The following CNTN4 variants were observed in gnomAD, a reference collection of about 807,000 sequenced individuals.
The protein encoded by CNTN4 is contactin-4.
CNTN4 carries 77 observed loss-of-function variants against 122.5 expected under a neutral mutation model. The observed-to-expected ratio is 0.63, with a 90% CI of 0.52 to 0.76. CNTN4 has a LOEUF of 0.76. CNTN4 is among the 30% of genes least tolerant of loss of function. CNTN4 has a pLI of 0.00. For synonymous variants in CNTN4, 512 were observed against 447.0 expected, an observed-to-expected ratio of 1.15 and a Z score of -1.83; for missense variants, 1,256 against 1,259.1, an observed-to-expected ratio of 1.00 and a Z score of 0.04.
At chr3:2,713,525 C>T (rs963095883) in intron 4 of CNTN4, among the ~76,000 whole-genome samples, 6 of 152,168 alleles carry the variant, frequency 3.9e-5, no homozygotes, top group African/African-American at 1.4e-4. Context: ...TACCTTCATT[C>T]CTTTCCTCTG....
At chr3:2,104,575 G>C (rs1026687939) in intron 2 of CNTN4, among the ~76,000 whole-genome samples, 3 of 152,116 alleles carry the variant, frequency 2.0e-5, no homozygotes, top group Non-Finnish European at 4.4e-5. Flanking sequence ...AGAGTGTGAG[G>C]AGATAAATAA....
chr3:3,022,988 T>C (rs1698429341), intron 14 of CNTN4, among the ~76,000 whole-genome samples: 1 of 152,178 alleles, frequency 6.6e-6, no homozygotes, highest in Non-Finnish European at 1.5e-5. Flanking sequence ...AGAACAGAAG[T>C]CATAAATATA....
At chr3:2,634,604 G>C (rs1576298437) in intron 4 of CNTN4, among the ~76,000 whole-genome samples, 1 of 151,792 alleles carries the variant, frequency 6.6e-6, no homozygotes, top group East Asian at 1.9e-4. Context: ...GCCAAGGCAG[G>C]TGGGTCATGA....
In CNTN4 at chr3:2,573,482, T is replaced by C. The variant is rs552256461; in HGVS notation, c.55+1924T>C. ...CTCCTAAGGGATTCGACTGACACTT[T>C]AGAGTTTTAACTTCTCATAATGACT... On this transcript the variant is annotated intron_variant, in intron 4 of 24. Coordinates refer to ENST00000418658, the MANE Select transcript of CNTN4 (RefSeq NM_175607.3). Among the ~76,000 whole-genome samples the C allele has an allele frequency of 7.7e-4, 117 of 152,326 alleles. 2 individuals carry two copies. Among genetic ancestry groups the C allele is most frequent in the Admixed American group, 7.6e-3 (116 of 15,296 alleles).
intron 13 of CNTN4, among the ~76,000 whole-genome samples, chr3:2,933,558 A>G (rs2094543313): frequency 6.6e-6 from 1 of 152,136 alleles, no homozygotes; most frequent in Admixed American, 6.5e-5. Context: ...TCTTTGGCAT[A>G]GTGAGTTTGG....
At chr3:2,262,515 C>G (rs996999540) in intron 2 of CNTN4, 3 of 151,876 alleles carry the variant, frequency 2.0e-5, no homozygotes, top group Non-Finnish European at 4.4e-5. Context: ...CTCTCTGTGT[C>G]TTGTTCTTGT....
chr3:3,009,497 G>C (rs1043147246), intron 14 of CNTN4, among the ~76,000 whole-genome samples: 15 of 151,502 alleles, frequency 9.9e-5, no homozygotes, highest in East Asian at 3.9e-4. Flanking sequence ...GCAGTGGCGC[G>C]ATCTCAGCTC....
intron 2 of CNTN4, among the ~76,000 whole-genome samples, chr3:2,334,211 A>G (rs1376071415): frequency 9.9e-5 from 15 of 152,272 alleles, no homozygotes; most frequent in Admixed American, 8.5e-4. Flanking sequence ...AGGGTGGAGT[A>G]CAGTGGCAGG....
intron 12 of CNTN4, among the ~76,000 whole-genome samples, chr3:2,915,621 G>T (rs1222124048): frequency 6.6e-6 from 1 of 152,098 alleles, no homozygotes; most frequent in African/African-American, 2.4e-5. Flanking sequence ...TCACTGCTAA[G>T]CATGATGTTA....
chr3:2,754,360 A>G (rs527789592), intron 6 of CNTN4, among the ~76,000 whole-genome samples: 1 of 152,306 alleles, frequency 6.6e-6, no homozygotes, highest in African/African-American at 2.4e-5. Flanking sequence ...GTACTTCCAA[A>G]TTGCTAATGG....
chr3:2,316,583 C>T lies in CNTN4; in HGVS notation c.-144-22595C>T, dbSNP rs1257572138. Among the ~76,000 whole-genome samples, 5 of 152,134 alleles carry T rather than the reference C, an allele frequency of 3.3e-5. No homozygotes were observed. The East Asian group carries it at 9.7e-4, about 29-fold the overall frequency. On this transcript the variant is annotated intron_variant, in intron 2 of 24. Transcript: ENST00000418658. ...GATACAGTCTGTTGATGTTTTTATC[C>T]CTTTCATTTATCCAAACAGTGTAAA... is the stretch of plus-strand genomic sequence containing the variant.
rs146647917 is a variant in CNTN4 at position 2,438,701 on chromosome 3, G to A, written c.-89+99468G>A. Among the ~76,000 whole-genome samples, 429 of 152,314 alleles carry A rather than the reference G, an allele frequency of 2.8e-3. 2 individuals are homozygous for A. The highest frequency in any genetic ancestry group is 6.8e-3 in the Middle Eastern group (2 of 294). On this transcript the variant is annotated intron_variant, in intron 3 of 24. Transcript: ENST00000418658. ...TACAGTTAATGATATTCCAAAAGAT[G>A]CTCAGCTCACATATGGTGGTGGATC... is the stretch of plus-strand genomic sequence containing the variant.
intron 3 of CNTN4, among the ~76,000 whole-genome samples, chr3:2,481,045 C>CTTTCTTTCTTTCTTTCTTTCT: frequency 7.0e-6 from 1 of 142,114 alleles, no homozygotes; most frequent in East Asian, 2.0e-4. Context: ...TTCTTTCTTT[C>CTTTCTTTCTTTCTTTCTTTCT]TTTCTTTCTT....
At chr3:2,818,059 C>A (rs572611492) in intron 6 of CNTN4, among the ~76,000 whole-genome samples, 1 of 152,278 alleles carries the variant, frequency 6.6e-6, no homozygotes, top group Non-Finnish European at 1.5e-5. Flanking sequence ...ACAGCCCAAA[C>A]CTGGCAGTCT....
At chr3:2,839,330 C>A (rs1237178885) in intron 7 of CNTN4, among the ~76,000 whole-genome samples, 1 of 151,660 alleles carries the variant, frequency 6.6e-6, no homozygotes. Flanking sequence ...TGTTAATATA[C>A]CTTAGATGCA....
At chr3:2,650,668 C>T (rs549352671) in intron 4 of CNTN4, among the ~76,000 whole-genome samples, 5 of 152,246 alleles carry the variant, frequency 3.3e-5, no homozygotes, top group South Asian at 2.1e-4. Flanking sequence ...CCATCTTAAT[C>T]GAGGGAAGAC....
rs76529179 is a variant in CNTN4 at position 2,610,167 on chromosome 3, A to G, written c.55+38609A>G. Among the ~76,000 whole-genome samples, 306 of 152,246 alleles carry G rather than the reference A, an allele frequency of 2.0e-3. 2 individuals carry two copies. Among genetic ancestry groups the G allele is most frequent in the Non-Finnish European group, 1.6e-3 (112 of 68,030 alleles). On this transcript the variant is annotated intron_variant, in intron 4 of 24. Transcript: ENST00000418658. Reference sequence around the variant, plus strand: ...CTCCCACTCTATTTTATTTTTCACCATAGTATAAGTTAAGATATTATTAAA... The same window carrying G: ...CTCCCACTCTATTTTATTTTTCACCGTAGTATAAGTTAAGATATTATTAAA...
At chr3:2,636,113 C>T (rs776211917) in intron 4 of CNTN4, among the ~76,000 whole-genome samples, 5 of 152,196 alleles carry the variant, frequency 3.3e-5, no homozygotes, top group Non-Finnish European at 7.4e-5. Flanking sequence ...GCCTTCTTCC[C>T]TGACAATACT....
intron 6 of CNTN4, among the ~76,000 whole-genome samples, chr3:2,757,643 A>C (rs2090398194): frequency 6.6e-6 from 1 of 152,198 alleles, no homozygotes; most frequent in South Asian, 2.1e-4. Context: ...TCTAACATAA[A>C]CAAGGCATTT....
Sources: allele counts gnomAD v4.1 joint callset (sites outside exome capture counted in the v4.1 genomes callset), GRCh38; gene constraint gnomAD v4.1.1; transcripts MANE v1.5; gene names NCBI Gene and HGNC (gene_info 2026-07-23, HGNC 2026-07-21).